The following MICAL2 variants were observed in gnomAD, a reference collection of about 807,000 sequenced individuals.
MICAL2 encodes the protein [F-actin]-monooxygenase MICAL2.
MICAL2 carries 77 observed loss-of-function variants against 127.3 expected under a neutral mutation model. The ratio of observed to expected loss-of-function variants is 0.60; its 90% CI spans 0.50 to 0.73. The LOEUF is 0.73. MICAL2 is among the 30% of genes least tolerant of loss of function. The pLI is 0.00. For synonymous variants in MICAL2, 570 were observed against 551.1 expected (o/e 1.03, Z -0.48); for missense variants, 1,351 against 1,434.4 (o/e 0.94, Z 0.94).
At chr11:12,232,166 G>A (rs1472507731) in intron 15 of MICAL2, among the ~76,000 whole-genome samples, 1 of 152,188 alleles carries the variant, frequency 6.6e-6, no homozygotes. Flanking sequence ...AAATGAAGAT[G>A]CTTGTTTTCT....
At chr11:12,293,650 A>G (rs1371733874), downstream of MICAL2, 1 of 1,613,998 alleles carries the variant, frequency 6.2e-7, no homozygotes, top group African/African-American at 1.3e-5. Context: ...TAGCCCAAGG[A>G]GCACCCAGGG....
Position 12,225,831 on chromosome 11 carries a change from T to A in MICAL2, c.1689-340T>A, listed in dbSNP as rs1857358164. 7 of 307,434 alleles carry A rather than the reference T, an allele frequency of 2.3e-5. 1 individual carries two copies. The South Asian group carries it at 2.5e-4, about 11-fold the overall frequency. 19.0% of individuals were successfully genotyped at this position (307,434 alleles called of 1,614,324 possible). On this transcript the variant is annotated intron_variant, in intron 13 of 27. Coordinates refer to ENST00000683283, the MANE Select transcript of MICAL2 (RefSeq NM_001282663.2). Reference sequence around the variant, plus strand: ...ATATAACTTGATGTTTTTTACAAGATGCCCATTTTACTTTTGTAATTAAAA... The same window carrying A: ...ATATAACTTGATGTTTTTTACAAGAAGCCCATTTTACTTTTGTAATTAAAA...
Position 12,139,467 on chromosome 11 carries a change from C to T in MICAL2, c.-78+1007C>T, listed in dbSNP as rs554609960. Among the ~76,000 whole-genome samples the T allele has an allele frequency of 3.9e-5, 6 of 152,250 alleles. No homozygotes were observed. In the South Asian group the frequency reaches 1.2e-3, roughly 32 times the overall value. On this transcript the variant is annotated intron_variant, in intron 2 of 27. Coordinates refer to ENST00000683283, the MANE Select transcript of MICAL2 (RefSeq NM_001282663.2). ...TGAGGGGAGAGCATCAGGGCCCAATCCAAGATGCTGGGGCATGGGCGGAGG... is the reference window on the plus strand; with the variant it reads ...TGAGGGGAGAGCATCAGGGCCCAATTCAAGATGCTGGGGCATGGGCGGAGG...
intron 24 of MICAL2, among the ~76,000 whole-genome samples, chr11:12,257,526 G>A (rs1862485989): frequency 6.6e-6 from 1 of 152,140 alleles, no homozygotes; most frequent in Non-Finnish European, 1.5e-5. Flanking sequence ...CCTATAACGA[G>A]AGGCAGTATA....
downstream of MICAL2, chr11:12,292,282 T>C: frequency 1.2e-6 from 2 of 1,614,022 alleles, no homozygotes; most frequent in Non-Finnish European, 1.7e-6. Flanking sequence ...CTCCAGATGG[T>C]TCCTCCCCGC....
intron 1 of MICAL2, among the ~76,000 whole-genome samples, chr11:12,111,637 C>A (rs966774382): frequency 6.6e-6 from 1 of 152,118 alleles, no homozygotes; most frequent in East Asian, 1.9e-4. Context: ...TATTTGGAAG[C>A]CTGTAGGGCC....
intron 22 of MICAL2, chr11:12,250,306 A>G (rs1369354407): frequency 6.6e-6 from 1 of 152,252 alleles, no homozygotes; most frequent in East Asian, 1.9e-4. Flanking sequence ...CATGGGGTAC[A>G]TGAGATGTTT....
chr11:12,239,335 C>T (rs2134449591), intron 16 of MICAL2, 101 bp from the exon 17 acceptor site: 1 of 1,519,598 alleles, frequency 6.6e-7, no homozygotes, highest in Non-Finnish European at 9.1e-7. Flanking sequence ...GGAGGGAGCC[C>T]TTCTGCGGGA....
chr11:12,162,054 C>G, intron 2 of MICAL2, 25 bp from the exon 3 acceptor site: 1 of 1,536,148 alleles, frequency 6.5e-7, no homozygotes. Context: ...CCAAAGCTGA[C>G]CTCTGCCTCC....
At chr11:12,355,298 C>T (rs1939112958) in intron 34 of MICAL2, among the ~76,000 whole-genome samples, 1 of 152,102 alleles carries the variant, frequency 6.6e-6, no homozygotes, top group Non-Finnish European at 1.5e-5. Context: ...GAAAGGCGGG[C>T]CTAGTGCTGC....
chr11:12,300,820 A>G (rs1008766658), intron 29 of MICAL2, among the ~76,000 whole-genome samples: 6 of 152,198 alleles, frequency 3.9e-5, no homozygotes, highest in Non-Finnish European at 8.8e-5. Flanking sequence ...GAACTGTAAG[A>G]TAATAAAAGG....
downstream of MICAL2, among the ~76,000 whole-genome samples, chr11:12,360,119 T>TAAAAAA (rs369069433): frequency 0.58 from 84,554 of 144,708 alleles, 28,130 homozygotes; most frequent in Non-Finnish European, 0.73. Context: ...TTTTTTTTTT[T>TAAAAAA]AAAAAAAAAA....
intron 29 of MICAL2, among the ~76,000 whole-genome samples, chr11:12,298,679 C>T (rs142579243): frequency 2.5e-3 from 384 of 152,196 alleles, no homozygotes; most frequent in African/African-American, 8.7e-3. Context: ...AGTTCTATTT[C>T]GGTGAGAGTA....
At chr11:12,335,529 A>G (rs185905159) in intron 32 of MICAL2, among the ~76,000 whole-genome samples, 1 of 152,064 alleles carries the variant, frequency 6.6e-6, no homozygotes, top group African/African-American at 2.4e-5. Flanking sequence ...GTCATTGCCC[A>G]TGCCTATGTC....
chr11:12,277,071 G>A (rs1018499617), intron 1 of MICAL2, among the ~76,000 whole-genome samples: 4 of 151,928 alleles, frequency 2.6e-5, no homozygotes, highest in South Asian at 2.1e-4. Context: ...AAAGTAGACC[G>A]GAGTAAGCCA....
At chr11:12,164,322 T>C (rs1590142156) in intron 3 of MICAL2, among the ~76,000 whole-genome samples, 1 of 152,234 alleles carries the variant, frequency 6.6e-6, no homozygotes, top group East Asian at 1.9e-4. Flanking sequence ...ACAAAGACAT[T>C]TCACATGTGA....
intron 4 of MICAL2, among the ~76,000 whole-genome samples, chr11:12,205,815 C>G (rs773362557): frequency 1.3e-5 from 2 of 152,196 alleles, no homozygotes; most frequent in Non-Finnish European, 2.9e-5. Flanking sequence ...CCATGCTGTA[C>G]AGTGAGCAAG....
chr11:12,325,921 A>T (rs1278689958), intron 31 of MICAL2, among the ~76,000 whole-genome samples: 1 of 152,234 alleles, frequency 6.6e-6, no homozygotes, highest in African/African-American at 2.4e-5. Flanking sequence ...CCAGCAAGAG[A>T]TGGATTTATA....
At chr11:12,146,436 A>T (rs766962777) in intron 2 of MICAL2, among the ~76,000 whole-genome samples, 7 of 152,278 alleles carry the variant, frequency 4.6e-5, no homozygotes, top group Non-Finnish European at 1.0e-4. Context: ...GAAGACATTT[A>T]TGCAGACAAC....
Sources: allele counts gnomAD v4.1 joint callset (sites outside exome capture counted in the v4.1 genomes callset), GRCh38; gene constraint gnomAD v4.1.1; transcripts MANE v1.5; gene names NCBI Gene and HGNC (gene_info 2026-07-23, HGNC 2026-07-21).